Variants in LRBA observed in about 807,000 individuals in gnomAD.
LRBA encodes the protein lipopolysaccharide-responsive and beige-like anchor protein.
A neutral mutation model predicts 330.0 loss-of-function variants in LRBA; 176 were observed. The observed-to-expected ratio is 0.53, with a 90% confidence interval of 0.47 to 0.60. The LOEUF (loss-of-function observed/expected upper bound fraction) is 0.60. Ranked by LOEUF, LRBA falls within the 20% of genes least tolerant of loss-of-function variation. The probability of loss-of-function intolerance (pLI) is 0.00; values close to 1 mark genes in which losing one functional copy is unlikely to be tolerated. For missense variants in LRBA, 3,259 were observed against 3,444.8 expected, an observed-to-expected ratio of 0.95 and a Z score of 1.35; for synonymous variants, 1,230 against 1,193.0, an observed-to-expected ratio of 1.03 and a Z score of -0.64.
intron 47 of LRBA, among the ~76,000 whole-genome samples, chr4:150,371,249 G>A (rs894818831): frequency 1.6e-5 from 2 of 128,810 alleles, no homozygotes; most frequent in Admixed American, 9.3e-5. Context: ...CTGCAGTGCA[G>A]TGGCGTGATC....
chr4:150,937,486 AAAT>A (rs1478755750), intron 2 of LRBA, among the ~76,000 whole-genome samples: 1 of 152,184 alleles, frequency 6.6e-6, no homozygotes, highest in Non-Finnish European at 1.5e-5. Flanking sequence ...TGAAATGTGA[AAAT>A]GTAATCTTAT....
chr4:150,573,543 G>T (rs1291193155), intron 40 of LRBA, among the ~76,000 whole-genome samples: 1 of 152,032 alleles, frequency 6.6e-6, no homozygotes, highest in Non-Finnish European at 1.5e-5. Flanking sequence ...AGACTGACTG[G>T]TATATATGTC....
At chr4:150,963,327 A>T (rs1409429757) in intron 2 of LRBA, among the ~76,000 whole-genome samples, 1 of 149,282 alleles carries the variant, frequency 6.7e-6, no homozygotes, top group Non-Finnish European at 1.5e-5. Flanking sequence ...CTGGGATTGC[A>T]GGCATGCGCC....
intron 2 of LRBA, among the ~76,000 whole-genome samples, chr4:150,989,860 A>G (rs937837674): frequency 3.9e-5 from 6 of 152,102 alleles, no homozygotes; most frequent in Non-Finnish European, 7.4e-5. Flanking sequence ...ATGGTGGCTC[A>G]TGCCTGTAAT....
intron 22 of LRBA, among the ~76,000 whole-genome samples, chr4:150,861,882 G>A (rs1751987409): frequency 6.6e-6 from 1 of 151,980 alleles, no homozygotes; most frequent in Admixed American, 6.6e-5. Context: ...TTGGGAGGCT[G>A]AGGCATGAGA....
At chr4:150,884,320 T>TAA (rs201017342) in intron 17 of LRBA, among the ~76,000 whole-genome samples, 1 of 2,644 alleles carries the variant, frequency 3.8e-4, no homozygotes, top group Non-Finnish European at 1.5e-3. Context: ...AGGGAGATAT[T>TAA]AAAAGAGAAC....
At chr4:150,308,162 G>A (rs1278587670) in intron 52 of LRBA, among the ~76,000 whole-genome samples, 1 of 152,160 alleles carries the variant, frequency 6.6e-6, no homozygotes, top group Non-Finnish European at 1.5e-5. Flanking sequence ...AAAGATATAT[G>A]TAGGCCTTTG....
intron 49 of LRBA, among the ~76,000 whole-genome samples, chr4:150,324,459 T>C (rs1732971323): frequency 1.3e-5 from 2 of 151,950 alleles, no homozygotes; most frequent in Admixed American, 1.3e-4. Context: ...GAAAGAGTGA[T>C]GCAAACAATT....
chr4:150,285,280 T>C (rs568956524), intron 54 of LRBA, among the ~76,000 whole-genome samples: 21 of 152,208 alleles, frequency 1.4e-4, no homozygotes, highest in Non-Finnish European at 1.9e-4. Context: ...GATAGACTAT[T>C]ATGATGGGAT....
chr4:150,970,173 G>GT (rs1203881919), intron 2 of LRBA, among the ~76,000 whole-genome samples: 1 of 151,986 alleles, frequency 6.6e-6, no homozygotes, highest in Non-Finnish European at 1.5e-5. Flanking sequence ...TGTGTGCATT[G>GT]TTTTTTTAGA....
chr4:150,920,216 T>C lies in LRBA; in HGVS notation c.645+982A>G, dbSNP rs539632546. On this transcript the variant is annotated intron_variant, in intron 5 of 56. Coordinates refer to ENST00000651943, the MANE Select transcript of LRBA (RefSeq NM_001364905.1). ...CTAACATAAAAAAAAGAATGAAAGATAAGCTCAGGAAAAGAATAGACTGAA... is the reference window on the plus strand; with the variant it reads ...CTAACATAAAAAAAAGAATGAAAGACAAGCTCAGGAAAAGAATAGACTGAA... Among the ~76,000 whole-genome samples, 11 of 152,262 alleles carry C rather than the reference T, an allele frequency of 7.2e-5. No individual in the cohort carries two copies. In the East Asian group the frequency reaches 2.1e-3, roughly 29 times the overall value.
intron 13 of LRBA, among the ~76,000 whole-genome samples, chr4:150,904,480 A>G (rs1731093698): frequency 6.6e-6 from 1 of 152,208 alleles, no homozygotes. Flanking sequence ...AAAGTAGAAG[A>G]TAAGAAATAG....
chr4:150,603,674 T>A (rs565376452), intron 37 of LRBA, among the ~76,000 whole-genome samples: 3 of 152,288 alleles, frequency 2.0e-5, no homozygotes, highest in Non-Finnish European at 2.9e-5. Flanking sequence ...TAATTTTTTT[T>A]ATTTTCTTAG....
At chr4:150,366,812 TG>T (rs1355854675) in intron 47 of LRBA, among the ~76,000 whole-genome samples, 14 of 152,182 alleles carry the variant, frequency 9.2e-5, no homozygotes, top group Admixed American at 3.3e-4. Flanking sequence ...GCTATTTAGC[TG>T]ATGGTCCTCC....
chr4:150,812,644 A>T (rs2126745144), intron 31 of LRBA, among the ~76,000 whole-genome samples: 1 of 152,296 alleles, frequency 6.6e-6, no homozygotes, highest in Middle Eastern at 3.4e-3. Context: ...CAAAGCAAAG[A>T]TGGTTATGAC....
At chr4:150,280,130 C>G (rs1277317070) in intron 55 of LRBA, among the ~76,000 whole-genome samples, 1 of 152,204 alleles carries the variant, frequency 6.6e-6, no homozygotes, top group Non-Finnish European at 1.5e-5. Context: ...AAAGATTTCG[C>G]TGGCCTCTTT....
chr4:150,973,486 A>G (rs1739810240), intron 2 of LRBA, among the ~76,000 whole-genome samples: 1 of 152,192 alleles, frequency 6.6e-6, no homozygotes, highest in African/African-American at 2.4e-5. Context: ...AATTTTTTAA[A>G]TGATATTAAT....
intron 2 of LRBA, among the ~76,000 whole-genome samples, chr4:151,006,738 A>G (rs1216081617): frequency 6.6e-6 from 1 of 152,204 alleles, no homozygotes; most frequent in Non-Finnish European, 1.5e-5. Context: ...TTCTCAGTTT[A>G]AAATAAATCA....
chr4:150,967,644 T>G (rs985320463), intron 2 of LRBA, among the ~76,000 whole-genome samples: 1 of 152,230 alleles, frequency 6.6e-6, no homozygotes, highest in Non-Finnish European at 1.5e-5. Flanking sequence ...ATCCAGCAGG[T>G]CCATTGGCAC....
Sources: allele counts gnomAD v4.1 joint callset (sites outside exome capture counted in the v4.1 genomes callset), GRCh38; gene constraint gnomAD v4.1.1; transcripts MANE v1.5; gene names NCBI Gene and HGNC (gene_info 2026-07-23, HGNC 2026-07-21).